GPM6A: variants seen among roughly 807,000 people sequenced by gnomAD.
GPM6A encodes neuronal membrane glycoprotein M6-a.
Under a neutral mutation model 32.1 loss-of-function variants are expected in GPM6A, and 7 were observed. That is an observed-to-expected ratio of 0.22 (90% CI 0.12 to 0.41). GPM6A has a LOEUF of 0.41. Ranked by LOEUF, GPM6A falls within the 10% of genes least tolerant of loss-of-function variation. GPM6A has a pLI of 1.00. For synonymous variants in GPM6A, 130 were observed against 123.4 expected (o/e 1.05, Z -0.35); for missense variants, 235 against 347.2 (o/e 0.68, Z 2.57).
intron 1 of GPM6A, among the ~76,000 whole-genome samples, chr4:175,850,850 T>C (rs1033227001): frequency 6.7e-6 from 1 of 150,180 alleles, no homozygotes; most frequent in Non-Finnish European, 1.5e-5. Flanking sequence ...TACAATATTA[T>C]ATATGTTTAT....
chr4:175,826,030 TG>T (rs2111357461), intron 1 of GPM6A, among the ~76,000 whole-genome samples: 1 of 152,030 alleles, frequency 6.6e-6, no homozygotes, highest in East Asian at 1.9e-4. Context: ...TTAGAGGGCA[TG>T]GTGGAGTGAG....
chr4:175,747,511 T>C (rs771411529), intron 1 of GPM6A, among the ~76,000 whole-genome samples: 3 of 152,266 alleles, frequency 2.0e-5, no homozygotes, highest in Non-Finnish European at 4.4e-5. Context: ...ATAAAGTGAG[T>C]CACACACATA....
intron 6 of GPM6A, among the ~76,000 whole-genome samples, chr4:175,637,520 T>C (rs1740792294): frequency 1.1e-4 from 1 of 9,492 alleles, no homozygotes; most frequent in Admixed American, 1.2e-3. Flanking sequence ...TTTATATTTT[T>C]ATATATATAA....
At chr4:175,750,926 C>A (rs1732309758) in intron 1 of GPM6A, among the ~76,000 whole-genome samples, 1 of 151,970 alleles carries the variant, frequency 6.6e-6, no homozygotes, top group African/African-American at 2.4e-5. Context: ...AGATGAAATC[C>A]AAAGCAAAAT....
intron 1 of GPM6A, among the ~76,000 whole-genome samples, chr4:175,745,869 G>A (rs915367537): frequency 6.6e-6 from 1 of 152,176 alleles, no homozygotes; most frequent in African/African-American, 2.4e-5. Context: ...ACAAGTTTGA[G>A]TCTTATTTAT....
chr4:175,869,252 C>T (rs1736830315), intron 1 of GPM6A, among the ~76,000 whole-genome samples: 1 of 152,066 alleles, frequency 6.6e-6, no homozygotes, highest in South Asian at 2.1e-4. Context: ...TGTAATCATA[C>T]TTTATACAGA....
intron 1 of GPM6A, among the ~76,000 whole-genome samples, chr4:175,793,695 G>A (rs1734102959): frequency 6.6e-6 from 1 of 152,082 alleles, no homozygotes. Flanking sequence ...GAATTCTTCT[G>A]CACATCAGAC....
chr4:175,918,177 A>C (rs1738555407), intron 1 of GPM6A, among the ~76,000 whole-genome samples: 1 of 152,100 alleles, frequency 6.6e-6, no homozygotes. Context: ...GAAACTTTAT[A>C]ATGAAGACAT....
chr4:175,885,183 A>T (rs1737412563), intron 1 of GPM6A, among the ~76,000 whole-genome samples: 1 of 152,230 alleles, frequency 6.6e-6, no homozygotes, highest in African/African-American at 2.4e-5. Context: ...GGAGTGAAAT[A>T]CTACAAAATG....
At chr4:175,944,420 C>T (rs73014077) in intron 1 of GPM6A, among the ~76,000 whole-genome samples, 1,844 of 152,256 alleles carry the variant, frequency 0.012, 43 homozygotes, top group African/African-American at 0.041. Context: ...TGCATTTCAT[C>T]TTTCTTTTTA....
intron 1 of GPM6A, among the ~76,000 whole-genome samples, chr4:175,953,222 G>T (rs1739875990): frequency 6.6e-6 from 1 of 152,022 alleles, no homozygotes; most frequent in African/African-American, 2.4e-5. Flanking sequence ...ATATCAAACT[G>T]TTCCAAGAAT....
Position 175,637,002 on chromosome 4 carries a change from A to T in GPM6A, c.685-1945T>A, listed in dbSNP as rs1356242226. 2.2e-5 allele frequency among the ~76,000 whole-genome samples: 3 copies of T among 136,230 alleles called. No individual in the cohort carries two copies. The Admixed American group carries it at 2.5e-4, about 11-fold the overall frequency. The allele number at this position is 136,230 out of a possible 152,430, so 89.4% of individuals were successfully genotyped here. A position where few individuals can be genotyped will look rare whatever the true frequency, so the allele number is the denominator to read the frequency against. ...TGTAAATATATATAAGATAAAAAAT[A>T]TATTTATATAAAAATATATATAATA... On this transcript the variant is annotated intron_variant, in intron 6 of 6. Coordinates refer to ENST00000393658, the MANE Select transcript of GPM6A (RefSeq NM_201591.3).
At chr4:175,823,070 T>C (rs1735328648) in intron 1 of GPM6A, among the ~76,000 whole-genome samples, 1 of 152,244 alleles carries the variant, frequency 6.6e-6, no homozygotes, top group Admixed American at 6.5e-5. Flanking sequence ...GTAACACCTC[T>C]GCAAGATAGC....
At chr4:175,895,333 T>C (rs1247099036) in intron 1 of GPM6A, among the ~76,000 whole-genome samples, 3 of 152,138 alleles carry the variant, frequency 2.0e-5, no homozygotes, top group African/African-American at 7.2e-5. Flanking sequence ...TATATTTTTC[T>C]CAGAATAAAT....
intron 6 of GPM6A, among the ~76,000 whole-genome samples, 180 bp downstream of exon 6, chr4:175,639,949 T>G (rs564858314): frequency 1.3e-5 from 2 of 151,916 alleles, no homozygotes; most frequent in South Asian, 4.1e-4. Flanking sequence ...ATAATAATAT[T>G]TCTTGGGGTT....
At chr4:175,798,973 A>T (rs917441559) in intron 1 of GPM6A, among the ~76,000 whole-genome samples, 1 of 152,234 alleles carries the variant, frequency 6.6e-6, no homozygotes, top group African/African-American at 2.4e-5. Flanking sequence ...GCAATTGGAA[A>T]TCCTTGCCAG....
At chr4:175,688,729 T>C (rs1284756558) in intron 2 of GPM6A, among the ~76,000 whole-genome samples, 1 of 152,238 alleles carries the variant, frequency 6.6e-6, no homozygotes, top group Non-Finnish European at 1.5e-5. Flanking sequence ...CATTACACAT[T>C]GTAAGCCTAT....
chr4:175,798,881 A>AT (rs1422324419), intron 1 of GPM6A, among the ~76,000 whole-genome samples: 1 of 152,158 alleles, frequency 6.6e-6, no homozygotes, highest in Non-Finnish European at 1.5e-5. Context: ...TGTAAAATGC[A>AT]TTTTTTATAT....
intron 1 of GPM6A, among the ~76,000 whole-genome samples, chr4:175,712,292 C>T (rs1031224063): frequency 6.6e-6 from 1 of 152,194 alleles, no homozygotes; most frequent in African/African-American, 2.4e-5. Context: ...CTTCCTGTAG[C>T]TCTTACAGCC....
Sources: allele counts gnomAD v4.1 joint callset (sites outside exome capture counted in the v4.1 genomes callset), GRCh38; gene constraint gnomAD v4.1.1; transcripts MANE v1.5; gene names NCBI Gene and HGNC (gene_info 2026-07-23, HGNC 2026-07-21).